The following ZNF804B variants were observed in gnomAD, a reference collection of about 807,000 sequenced individuals.
ZNF804B encodes zinc finger protein 804B.
Under a neutral mutation model 101.4 loss-of-function variants are expected in ZNF804B, and 80 were observed. The observed-to-expected ratio is 0.79, with a 90% CI of 0.66 to 0.95. The LOEUF is 0.95. Among genes scored for constraint, ZNF804B ranks in the 40% least tolerant of loss-of-function variants. ZNF804B has a pLI of 0.00. For missense variants in ZNF804B, 1,673 were observed against 1,561.9 expected (o/e 1.07, Z -1.20); for synonymous variants, 622 against 558.8 (o/e 1.11, Z -1.59).
At chr7:88,965,922 G>C (rs868359003) in intron 1 of ZNF804B, among the ~76,000 whole-genome samples, 2 of 151,240 alleles carry the variant, frequency 1.3e-5, no homozygotes, top group Admixed American at 6.6e-5. Context: ...TAGTAAATAC[G>C]GGTGATTAAG....
intron 1 of ZNF804B, among the ~76,000 whole-genome samples, chr7:88,939,568 C>T (rs886276923): frequency 3.3e-5 from 5 of 151,858 alleles, no homozygotes; most frequent in Non-Finnish European, 5.9e-5. Flanking sequence ...ATGAATCTAT[C>T]ATGTCATTCC....
chr7:89,163,242 G>A (rs1791094984), intron 1 of ZNF804B, among the ~76,000 whole-genome samples: 1 of 152,076 alleles, frequency 6.6e-6, no homozygotes, highest in South Asian at 2.1e-4. Flanking sequence ...AAAAACCACG[G>A]ATTTTGTACC....
intron 1 of ZNF804B, among the ~76,000 whole-genome samples, chr7:89,171,288 G>GCTTCTTCTTCTTCTTCTTCTTCTT (rs1203060273): frequency 5.9e-4 from 49 of 82,476 alleles, no homozygotes; most frequent in Non-Finnish European, 1.0e-3. Flanking sequence ...TGCTGCTGCT[G>GCTTCTTCTTCTTCTTCTTCTTCTT]CTTCTTCTTC....
chr7:89,098,920 T>G (rs1009280403), intron 1 of ZNF804B, among the ~76,000 whole-genome samples: 3 of 151,654 alleles, frequency 2.0e-5, no homozygotes, highest in Non-Finnish European at 4.4e-5. Flanking sequence ...TGAAAATTTC[T>G]TACTGAAAAG....
At chr7:89,206,068 A>G (rs1788709913) in intron 1 of ZNF804B, among the ~76,000 whole-genome samples, 1 of 152,228 alleles carries the variant, frequency 6.6e-6, no homozygotes, top group African/African-American at 2.4e-5. Context: ...CACCCTCTAA[A>G]GCCATGACCT....
At chr7:88,783,110 G>T (rs895871510) in intron 1 of ZNF804B, among the ~76,000 whole-genome samples, 3 of 152,140 alleles carry the variant, frequency 2.0e-5, no homozygotes, top group Admixed American at 6.6e-5. Context: ...AATCATCCTG[G>T]TTAAAAATAA....
chr7:89,335,632 G>A lies in ZNF804B; in HGVS notation c.2650G>A (p.Gly884Arg). The change falls in exon 4 of 4, where the codon GGA becomes AGA. Residue 884 changes from glycine (G) to arginine (R), a missense_variant. Gly to Arg is a moderately radical substitution (Grantham distance 125, BLOSUM62 -2). Coordinates refer to ENST00000333190, the MANE Select transcript of ZNF804B (RefSeq NM_181646.5). ...GGGCAGCCCTCACATTTGTGATCTG[G>A]GAAAAGTCAGGCCCATGAAGTGTAA... ...SLGSPHICDL[G>R]KVRPMKCNSG... 1.2e-6 allele frequency: 2 copies of A among 1,613,902 alleles called. No homozygotes were observed. The highest frequency in any genetic ancestry group is 1.7e-6 in the Non-Finnish European group (2 of 1,179,938).
chr7:89,128,076 A>G (rs1790499251), intron 1 of ZNF804B, among the ~76,000 whole-genome samples: 1 of 151,884 alleles, frequency 6.6e-6, no homozygotes, highest in South Asian at 2.1e-4. Context: ...TAGTATGTAT[A>G]TCCAATTCTA....
intron 1 of ZNF804B, among the ~76,000 whole-genome samples, chr7:88,933,407 C>T (rs1792919952): frequency 6.6e-6 from 1 of 152,018 alleles, no homozygotes. Flanking sequence ...TTAACCACTT[C>T]TATTGAACCT....
rs1215536275 is a variant in ZNF804B at position 89,220,041 on chromosome 7, A to ATATG, written c.249+1747_249+1748insATGT. The stretch of plus-strand genomic sequence containing the variant: ...TGTATACATATATATACGCACATAT[A>ATATG]TGTGCATATATACATATATACGCAC... On this transcript the variant is annotated intron_variant, in intron 2 of 3. Transcript: ENST00000333190. 1.3e-4 allele frequency among the ~76,000 whole-genome samples: 17 copies of ATATG among 134,966 alleles called. 1 individual carries two copies. Among genetic ancestry groups the ATATG allele is most frequent in the African/African-American group, 4.9e-4 (17 of 34,772 alleles). 88.5% of individuals were successfully genotyped at this position (134,966 alleles called of 152,430 possible).
intron 2 of ZNF804B, among the ~76,000 whole-genome samples, chr7:89,304,250 G>T (rs1790526745): frequency 1.3e-5 from 2 of 151,728 alleles, no homozygotes; most frequent in African/African-American, 4.8e-5. Flanking sequence ...CAATTGACAA[G>T]CACAGATGAC....
At chr7:88,947,642 A>G (rs1353419849) in intron 1 of ZNF804B, among the ~76,000 whole-genome samples, 20 of 151,956 alleles carry the variant, frequency 1.3e-4, no homozygotes, top group Admixed American at 1.3e-3. Flanking sequence ...CATGTTCTGT[A>G]TATGTATCAC....
intron 1 of ZNF804B, among the ~76,000 whole-genome samples, chr7:88,843,475 C>T (rs140187793): frequency 0.026 from 3,928 of 152,148 alleles, 133 homozygotes; most frequent in African/African-American, 0.072. Flanking sequence ...CGGTAGCTCA[C>T]GCCTGTAATC....
chr7:89,186,000 T>C (rs1788370292), intron 1 of ZNF804B, among the ~76,000 whole-genome samples: 1 of 152,152 alleles, frequency 6.6e-6, no homozygotes, highest in South Asian at 2.1e-4. Context: ...AAATCTATTA[T>C]GGCTGCACAC....
chr7:88,867,299 A>C (rs1286891429), intron 1 of ZNF804B, among the ~76,000 whole-genome samples: 3 of 152,232 alleles, frequency 2.0e-5, no homozygotes, highest in Non-Finnish European at 4.4e-5. Flanking sequence ...CAGGGAAGCC[A>C]GTTGCCTTAC....
chr7:88,789,443 A>G (rs1243934380), intron 1 of ZNF804B, among the ~76,000 whole-genome samples: 2 of 152,124 alleles, frequency 1.3e-5, no homozygotes, highest in African/African-American at 4.8e-5. Context: ...CTGTTATACC[A>G]GTATACTGTT....
intron 1 of ZNF804B, among the ~76,000 whole-genome samples, chr7:89,171,418 C>CT: frequency 3.2e-5 from 3 of 93,582 alleles, no homozygotes; most frequent in African/African-American, 4.0e-5. Flanking sequence ...TCTTCTTCTT[C>CT]TCCTTCTCCT....
chr7:88,846,307 A>G (rs941642380), intron 1 of ZNF804B, among the ~76,000 whole-genome samples: 1 of 152,232 alleles, frequency 6.6e-6, no homozygotes, highest in African/African-American at 2.4e-5. Flanking sequence ...TGAGTAGAAA[A>G]AAACTATGTG....
chr7:88,911,440 TATTTATATG>T (rs1433904817), intron 1 of ZNF804B, among the ~76,000 whole-genome samples: 1 of 148,582 alleles, frequency 6.7e-6, no homozygotes, highest in Non-Finnish European at 1.5e-5. Context: ...TATTATATCT[TATTTATATG>T]ATTTATATAT....
Sources: gnomAD v4.1 joint callset for allele counts (sites outside exome capture counted in the v4.1 genomes callset) on GRCh38, gnomAD v4.1.1 for gene constraint, MANE v1.5 for transcripts, NCBI Gene and HGNC (gene_info 2026-07-23, HGNC 2026-07-21) for gene names.